The following FHIT variants were observed in gnomAD, a reference collection of about 807,000 sequenced individuals.
The protein encoded by FHIT is bis(5'-adenosyl)-triphosphatase.
In FHIT, 19 loss-of-function variants were observed where a neutral mutation model predicts 17.9. The observed-to-expected ratio is 1.06, with a 90% CI of 0.74 to 1.56. FHIT has a LOEUF of 1.56. Among genes scored for constraint, FHIT ranks in the 40% most tolerant of loss-of-function variants. FHIT has a pLI of 0.00. For missense variants in FHIT, 248 were observed against 189.2 expected (o/e 1.31, Z -1.82); for synonymous variants, 81 against 69.7 (o/e 1.16, Z -0.81).
At chr3:61,242,549 G>A (rs1026291435) in intron 1 of FHIT, among the ~76,000 whole-genome samples, 3 of 152,122 alleles carry the variant, frequency 2.0e-5, no homozygotes, top group Admixed American at 1.3e-4. Context: ...GGTTCATTTT[G>A]CCTGCTGCCC....
chr3:59,764,910 A>G (rs551116747), intron 8 of FHIT, among the ~76,000 whole-genome samples: 39 of 64,160 alleles, frequency 6.1e-4, no homozygotes, highest in Non-Finnish European at 1.4e-3. Flanking sequence ...ACACACACAC[A>G]CACACACACA....
intron 3 of FHIT, among the ~76,000 whole-genome samples, chr3:60,868,389 T>C (rs1302720682): frequency 1.3e-5 from 2 of 152,156 alleles, no homozygotes; most frequent in African/African-American, 4.8e-5. Flanking sequence ...ACCAAGAAAG[T>C]GTTCCTGCTT....
At chr3:60,313,962 C>A (rs1199078372) in intron 5 of FHIT, among the ~76,000 whole-genome samples, 1 of 152,184 alleles carries the variant, frequency 6.6e-6, no homozygotes, top group African/African-American at 2.4e-5. Flanking sequence ...ACTGTTGGTG[C>A]ACTGGCGTTG....
chr3:61,087,100 T>G (rs751498068), intron 2 of FHIT, among the ~76,000 whole-genome samples: 1 of 152,132 alleles, frequency 6.6e-6, no homozygotes, highest in Non-Finnish European at 1.5e-5. Flanking sequence ...CCATCTCAGT[T>G]TCAATGTCAC....
chr3:61,118,393 G>A (rs375926690), intron 2 of FHIT, among the ~76,000 whole-genome samples: 14 of 112,690 alleles, frequency 1.2e-4, no homozygotes, highest in African/African-American at 5.0e-4. Flanking sequence ...GTTCACTGGA[G>A]GATCTTTTTG....
chr3:60,264,346 T>A (rs1244353306), intron 5 of FHIT, among the ~76,000 whole-genome samples: 1 of 151,292 alleles, frequency 6.6e-6, no homozygotes, highest in Non-Finnish European at 1.5e-5. Context: ...CACTCACTGA[T>A]AAAGCCTTCC....
At chr3:61,228,469 A>G (rs1366767493) in intron 1 of FHIT, among the ~76,000 whole-genome samples, 1 of 152,208 alleles carries the variant, frequency 6.6e-6, no homozygotes, top group East Asian at 1.9e-4. Context: ...AATTCCATAT[A>G]TAAGTGTTCA....
At chr3:60,401,318 T>A (rs1701648460) in intron 5 of FHIT, among the ~76,000 whole-genome samples, 1 of 152,198 alleles carries the variant, frequency 6.6e-6, no homozygotes, top group Non-Finnish European at 1.5e-5. Context: ...TTCCACCAGA[T>A]GCATTCTCTT....
At chr3:61,209,298 G>C (rs564291415) in intron 1 of FHIT, among the ~76,000 whole-genome samples, 1 of 152,258 alleles carries the variant, frequency 6.6e-6, no homozygotes, top group Admixed American at 6.5e-5. Flanking sequence ...AAGTGTCTTG[G>C]AGTTGCTCTT....
intron 5 of FHIT, among the ~76,000 whole-genome samples, chr3:60,142,847 A>G (rs1253436157): frequency 6.6e-6 from 1 of 152,144 alleles, no homozygotes; most frequent in Non-Finnish European, 1.5e-5. Flanking sequence ...AGAGGCATAC[A>G]AAAGACAAAA....
intron 3 of FHIT, among the ~76,000 whole-genome samples, chr3:61,035,488 A>C (rs924276315): frequency 6.6e-6 from 1 of 152,194 alleles, no homozygotes; most frequent in East Asian, 1.9e-4. Flanking sequence ...CCTCTTGTGC[A>C]CAAGTTAGTC....
At chr3:60,755,944 C>T (rs1553718170) in intron 4 of FHIT, among the ~76,000 whole-genome samples, 2 of 152,232 alleles carry the variant, frequency 1.3e-5, no homozygotes, top group African/African-American at 4.8e-5. Flanking sequence ...GAGTATTTCC[C>T]GATTAAACAT....
chr3:60,536,978 G>T lies in FHIT; in HGVS notation c.-16C>A, dbSNP rs375371932. 6.3e-7 allele frequency: 1 copy of T among 1,597,114 alleles called. No individual in the cohort carries two copies. Among genetic ancestry groups the T allele is most frequent in the Non-Finnish European group, 8.5e-7 (1 of 1,174,638 alleles). ...TGAACGACATGTCCTCACAGTTGAA[G>T]TCTAAAAGAAAAGACAATGGATAGT... On this transcript the variant is annotated splice_region_variant and 5_prime_UTR_variant, in exon 5 of 10. Transcript: ENST00000492590.
At chr3:61,250,228 A>G (rs576138481) in intron 1 of FHIT, among the ~76,000 whole-genome samples, 118 of 152,368 alleles carry the variant, frequency 7.7e-4, no homozygotes, top group Non-Finnish European at 1.4e-3. Context: ...TGCAACTCCC[A>G]GAAGCCTCCG....
At chr3:60,009,107 A>G (rs1477892987) in intron 7 of FHIT, among the ~76,000 whole-genome samples, 1 of 151,886 alleles carries the variant, frequency 6.6e-6, no homozygotes, top group Non-Finnish European at 1.5e-5. Context: ...ACAACTTTAG[A>G]TATGGATACT....
chr3:60,129,521 T>G (rs979818833), intron 5 of FHIT, among the ~76,000 whole-genome samples: 1 of 152,210 alleles, frequency 6.6e-6, no homozygotes, highest in Non-Finnish European at 1.5e-5. Flanking sequence ...AGACTACATG[T>G]TGATGTTCTG....
chr3:60,667,431 T>C (rs1300961039), intron 4 of FHIT, among the ~76,000 whole-genome samples: 1 of 152,172 alleles, frequency 6.6e-6, no homozygotes, highest in Admixed American at 6.5e-5. Context: ...TATTTTTATT[T>C]CTGTTATTTT....
At chr3:59,754,919 C>G (rs2106748202) in intron 8 of FHIT, among the ~76,000 whole-genome samples, 1 of 152,136 alleles carries the variant, frequency 6.6e-6, no homozygotes, top group African/African-American at 2.4e-5. Flanking sequence ...TGGTTGCCCA[C>G]TGTAATCATC....
intron 5 of FHIT, among the ~76,000 whole-genome samples, chr3:60,363,517 C>T (rs1190301411): frequency 6.6e-6 from 1 of 152,130 alleles, no homozygotes; most frequent in Non-Finnish European, 1.5e-5. Flanking sequence ...TTGTATACTG[C>T]CGCTATCCCT....
Sources: gnomAD v4.1 joint callset for allele counts (sites outside exome capture counted in the v4.1 genomes callset) on GRCh38, gnomAD v4.1.1 for gene constraint, MANE v1.5 for transcripts, NCBI Gene and HGNC (gene_info 2026-07-23, HGNC 2026-07-21) for gene names.